Variants in PTPRN2 observed in about 807,000 individuals in gnomAD.
PTPRN2 encodes receptor-type tyrosine-protein phosphatase N2.
A neutral mutation model predicts 118.8 loss-of-function variants in PTPRN2; 74 were observed. The observed-to-expected ratio is 0.62, with a 90% CI of 0.52 to 0.76. The LOEUF (loss-of-function observed/expected upper bound fraction) is 0.76, where lower values mean the gene tolerates loss of function less well. Among genes scored for constraint, PTPRN2 ranks in the 30% least tolerant of loss-of-function variants. The pLI, the probability that PTPRN2 is intolerant of heterozygous loss-of-function variation, is 0.00. For missense variants in PTPRN2, 1,481 were observed against 1,394.4 expected, an observed-to-expected ratio of 1.06 and a Z score of -0.99; for synonymous variants, 641 against 608.0, an observed-to-expected ratio of 1.05 and a Z score of -0.80.
At chr7:157,924,402 C>T (rs983971167) in intron 11 of PTPRN2, among the ~76,000 whole-genome samples, 2 of 152,196 alleles carry the variant, frequency 1.3e-5, no homozygotes, top group Non-Finnish European at 2.9e-5. Flanking sequence ...AGGCCACCAG[C>T]CCTGTTGCCA....
chr7:158,292,097 G>A, intron 3 of PTPRN2, among the ~76,000 whole-genome samples: 1 of 152,196 alleles, frequency 6.6e-6, no homozygotes, highest in Non-Finnish European at 1.5e-5. Context: ...GCCCGCAAAT[G>A]GATCCCTCCT....
intron 4 of PTPRN2, among the ~76,000 whole-genome samples, chr7:158,203,255 GAGGAAAGA>G (rs1826796248): frequency 2.4e-5 from 3 of 125,574 alleles, no homozygotes; most frequent in Non-Finnish European, 5.1e-5. Flanking sequence ...AAAAAAAGAA[GAGGAAAGA>G]AAGAGGAAAG....
intron 1 of PTPRN2, among the ~76,000 whole-genome samples, chr7:158,548,153 G>T (rs1826421456): frequency 6.6e-6 from 1 of 152,234 alleles, no homozygotes; most frequent in African/African-American, 2.4e-5. Flanking sequence ...CTCCTCATGT[G>T]GATGAGGAGC....
chr7:157,698,104 C>A (rs181322555), intron 12 of PTPRN2, among the ~76,000 whole-genome samples: 1 of 152,318 alleles, frequency 6.6e-6, no homozygotes, highest in African/African-American at 2.4e-5. Flanking sequence ...AAGATTTTGC[C>A]ACATTGCTTA....
rs60161794 is a variant in PTPRN2, at chr7:157,861,747, C to G, written c.1788+36926G>C. On this transcript the variant is annotated intron_variant, in intron 12 of 22. Coordinates refer to ENST00000389418, the MANE Select transcript of PTPRN2 (RefSeq NM_002847.5). The surrounding 1 kb of genome is among the most constrained non-coding windows in gnomAD (Gnocchi z 5.8). ...CAGCCTCTGCGTTGCCAGCAGCCCT[C>G]GGCCCACAGACACAGCGCTTCCCTC... Among the ~76,000 whole-genome samples, 11 of 152,274 alleles carry G rather than the reference C, an allele frequency of 7.2e-5. No homozygotes were observed.
intron 13 of PTPRN2, among the ~76,000 whole-genome samples, chr7:157,678,397 C>T (rs527487698): frequency 7.9e-5 from 12 of 152,152 alleles, no homozygotes; most frequent in Non-Finnish European, 1.5e-4. Context: ...TACACCAATG[C>T]CTGAAGATTA....
At chr7:157,750,476 C>T (rs758795911) in intron 12 of PTPRN2, among the ~76,000 whole-genome samples, 1 of 152,292 alleles carries the variant, frequency 6.6e-6, no homozygotes, top group Admixed American at 6.5e-5. Flanking sequence ...CTGCTTCCTC[C>T]GCACCTATGA....
intron 1 of PTPRN2, among the ~76,000 whole-genome samples, chr7:158,523,658 T>TGGAGTCGTCTGCCCTGGAGC (rs1563393186): frequency 0.13 from 3,172 of 24,382 alleles, 1,060 homozygotes; most frequent in Non-Finnish European, 0.14. Flanking sequence ...TGCCCTGGAG[T>TGGAGTCGTCTGCCCTGGAGC]GGAGTCGTCT....
chr7:157,939,281 G>A (rs556500424), intron 11 of PTPRN2, among the ~76,000 whole-genome samples: 3 of 152,352 alleles, frequency 2.0e-5, no homozygotes, highest in South Asian at 4.1e-4. Context: ...ATAAAATAAA[G>A]CACGCAGGTC....
At position 158,523,486 on chromosome 7, in the gene PTPRN2, GTGGAGT is replaced by G. The variant is rs1458893258; in HGVS notation, c.113-33707_113-33702del. Reference sequence around the variant, plus strand: ...CTGGAGTGGAGTCCTCTGCCCTGGAGTGGAGTCGTCTGCCCTGGAGTGGAGTCGTCT... The same window carrying G: ...CTGGAGTGGAGTCCTCTGCCCTGGAGCGTCTGCCCTGGAGTGGAGTCGTCT... On this transcript the variant is annotated intron_variant, in intron 1 of 22. Coordinates refer to ENST00000389418, the MANE Select transcript of PTPRN2 (RefSeq NM_002847.5). Among the ~76,000 whole-genome samples the G allele has an allele frequency of 1.1e-3, 133 of 124,928 alleles. 2 individuals are homozygous for G. Among genetic ancestry groups the G allele is most frequent in the Middle Eastern group, 4.0e-3 (1 of 252 alleles). 82.0% of individuals were successfully genotyped at this position (124,928 alleles called of 152,430 possible). A position where few individuals can be genotyped will look rare whatever the true frequency, so the allele number is the denominator to read the frequency against.
In PTPRN2 at chr7:158,476,790, G is replaced by A. The variant is rs574648392; in HGVS notation, c.163+12945C>T. 1.1e-4 allele frequency among the ~76,000 whole-genome samples: 17 copies of A among 152,366 alleles called. No individual in the cohort carries two copies. In the South Asian group the frequency reaches 3.5e-3, roughly 32 times the overall value. ...GACGCGAGAACGTCAATCTGGTTCT[G>A]TTCCTCCCGCTTCTCCTTCCTCCCA... On this transcript the variant is annotated intron_variant, in intron 2 of 22. Transcript: ENST00000389418.
chr7:157,788,297 C>T (rs866529434), intron 12 of PTPRN2, among the ~76,000 whole-genome samples: 1 of 149,020 alleles, frequency 6.7e-6, no homozygotes, highest in Non-Finnish European at 1.5e-5. Context: ...TTCACTTGAA[C>T]CTGGGAGGCG....
intron 3 of PTPRN2, among the ~76,000 whole-genome samples, chr7:158,266,941 G>C (rs1210660535): frequency 6.6e-6 from 1 of 152,142 alleles, no homozygotes; most frequent in Non-Finnish European, 1.5e-5. Context: ...TGGCCCAGCT[G>C]CCTCCACCCC....
intron 2 of PTPRN2, among the ~76,000 whole-genome samples, chr7:158,331,368 ACCCG>A: frequency 8.7e-6 from 1 of 114,874 alleles, no homozygotes; most frequent in African/African-American, 3.4e-5. Context: ...AAGAGCTGAC[ACCCG>A]CAGAAGTCAC....
chr7:158,275,154 C>T (rs1459482187), intron 3 of PTPRN2, among the ~76,000 whole-genome samples: 1 of 152,200 alleles, frequency 6.6e-6, no homozygotes, highest in Non-Finnish European at 1.5e-5. Context: ...AAGCCAGTGG[C>T]CAAGCCTGGA....
chr7:158,112,992 C>A (rs548619536), intron 9 of PTPRN2, among the ~76,000 whole-genome samples: 1 of 151,902 alleles, frequency 6.6e-6, no homozygotes, highest in East Asian at 1.9e-4. Context: ...TGCCCCCCAG[C>A]ATTTAGGATC....
intron 2 of PTPRN2, among the ~76,000 whole-genome samples, chr7:158,414,881 A>T (rs1480488001): frequency 6.6e-6 from 1 of 152,240 alleles, no homozygotes; most frequent in African/African-American, 2.4e-5. Context: ...CATCCACATG[A>T]GGAGGGGCGG....
intron 3 of PTPRN2, among the ~76,000 whole-genome samples, chr7:158,255,653 T>C (rs75442218): frequency 1.9e-3 from 290 of 152,312 alleles, no homozygotes; most frequent in African/African-American, 6.6e-3. Flanking sequence ...TACCAAACTA[T>C]GAGTCTCACA....
At chr7:158,340,855 T>C (rs1217829681) in intron 2 of PTPRN2, among the ~76,000 whole-genome samples, 24 of 59,250 alleles carry the variant, frequency 4.1e-4, no homozygotes, top group East Asian at 1.8e-3. Flanking sequence ...AGCTGACACA[T>C]GCAGACGTCA....
Sources: gnomAD v4.1 joint callset for allele counts (sites outside exome capture counted in the v4.1 genomes callset) on GRCh38, gnomAD v4.1.1 for gene constraint, Gnocchi (gnomAD v3.1) non-coding constraint, MANE v1.5 for transcripts, NCBI Gene and HGNC (gene_info 2026-07-23, HGNC 2026-07-21) for gene names.